The following CTNNA2 variants were observed in gnomAD, a reference collection of about 807,000 sequenced individuals.
The protein encoded by CTNNA2 is catenin alpha-2.
CTNNA2 carries 42 observed loss-of-function variants against 101.0 expected under a neutral mutation model. The observed-to-expected ratio is 0.42, with a 90% CI of 0.32 to 0.54. The LOEUF (loss-of-function observed/expected upper bound fraction) is 0.54. CTNNA2 is among the 20% of genes least tolerant of loss of function. The pLI, the probability that CTNNA2 is intolerant of heterozygous loss-of-function variation, is 0.14. For missense variants in CTNNA2, 871 were observed against 1,223.1 expected (o/e 0.71, Z 4.29); for synonymous variants, 450 against 456.4 (o/e 0.99, Z 0.18).
chr2:80,610,081 G>A (rs1698333276), intron 17 of CTNNA2, among the ~76,000 whole-genome samples: 2 of 151,762 alleles, frequency 1.3e-5, no homozygotes, highest in South Asian at 4.1e-4. Flanking sequence ...TTAGAAGAAT[G>A]TTGTTCAACT....
At chr2:80,338,048 G>A (rs925708065) in intron 7 of CTNNA2, among the ~76,000 whole-genome samples, 1 of 151,872 alleles carries the variant, frequency 6.6e-6, no homozygotes, top group Non-Finnish European at 1.5e-5. Context: ...GACTGCAGTA[G>A]CACAGTTTCA....
At chr2:79,865,887 T>C (rs1218622717) in intron 4 of CTNNA2, among the ~76,000 whole-genome samples, 1 of 152,164 alleles carries the variant, frequency 6.6e-6, no homozygotes, top group Non-Finnish European at 1.5e-5. Flanking sequence ...GCCTGGCTAA[T>C]TTTTTGTATT....
In CTNNA2 at chr2:79,716,200, T is replaced by C. The variant is rs62140148; in HGVS notation, c.103-28187T>C. On this transcript the variant is annotated intron_variant, in intron 2 of 18. Transcript: ENST00000402739. ...ACTCAGATGACAGCAAAAGGAAGAC[T>C]TTTAAAAATTTTTTTGCCAATACAC... 9.8e-3 allele frequency among the ~76,000 whole-genome samples: 1,488 copies of C among 152,274 alleles called. 17 individuals are homozygous for C. Among genetic ancestry groups the C allele is most frequent in the Middle Eastern group, 0.041 (12 of 294 alleles).
At chr2:79,984,853 T>C (rs1187164318) in intron 7 of CTNNA2, among the ~76,000 whole-genome samples, 2 of 152,126 alleles carry the variant, frequency 1.3e-5, no homozygotes, top group Admixed American at 1.3e-4. Context: ...AATCCCCTGC[T>C]TAAAAATCCT....
intron 4 of CTNNA2, among the ~76,000 whole-genome samples, chr2:79,415,158 GCTTCTTGCCATCCCTTT>G (rs1558661796): frequency 6.6e-6 from 1 of 152,072 alleles, no homozygotes; most frequent in Non-Finnish European, 1.5e-5. Context: ...CTCATGAATG[GCTTCTTGCCATCCCTTT>G]GGTTATGAGT....
intron 1 of CTNNA2, among the ~76,000 whole-genome samples, chr2:79,553,219 TC>T (rs1436026330): frequency 1.3e-5 from 2 of 152,150 alleles, no homozygotes; most frequent in Non-Finnish European, 2.9e-5. Flanking sequence ...ATATGTTCCT[TC>T]TCTCCATTGA....
chr2:80,619,037 T>A, intron 17 of CTNNA2, 48 bp from the exon 18 acceptor site: 1 of 1,211,830 alleles, frequency 8.3e-7, no homozygotes, highest in Non-Finnish European at 1.1e-6. Flanking sequence ...TTTTTTTTTC[T>A]TTTGCTCTCT....
chr2:79,979,088 G>A (rs963507700), intron 7 of CTNNA2, among the ~76,000 whole-genome samples: 3 of 152,154 alleles, frequency 2.0e-5, no homozygotes, highest in African/African-American at 4.8e-5. Flanking sequence ...GATGAAAGCA[G>A]TGTGATTTTC....
chr2:80,476,251 G>A (rs1685720678), intron 9 of CTNNA2, among the ~76,000 whole-genome samples: 1 of 152,108 alleles, frequency 6.6e-6, no homozygotes, highest in African/African-American at 2.4e-5. Context: ...GGCTCTCGGG[G>A]ACACTCTCTC....
chr2:80,391,258 A>G (rs1035442960), intron 7 of CTNNA2, among the ~76,000 whole-genome samples: 10 of 151,980 alleles, frequency 6.6e-5, no homozygotes, highest in African/African-American at 2.4e-4. Flanking sequence ...CTCTGTTCAC[A>G]CCAGTCCCAG....
intron 7 of CTNNA2, among the ~76,000 whole-genome samples, chr2:80,296,938 C>T (rs1185267014): frequency 6.6e-6 from 1 of 152,178 alleles, no homozygotes; most frequent in Non-Finnish European, 1.5e-5. Flanking sequence ...CATTTAATCA[C>T]TAAGGAAGAA....
chr2:79,271,009 G>C (rs1312035481), intron 2 of CTNNA2, among the ~76,000 whole-genome samples: 1 of 152,074 alleles, frequency 6.6e-6, no homozygotes, highest in South Asian at 2.1e-4. Context: ...GGAAAAGAAA[G>C]AGAAGCAAAA....
rs1170896257 is a variant in CTNNA2, at chr2:80,126,584, TTCCCTCCCTCCCTCCCTCCCTCCC to T, written c.1056+216817_1056+216840del. Reference sequence around the variant, plus strand: ...CCATCCATTCTGCTTTGCCCTTTCTTTCCCTCCCTCCCTCCCTCCCTCCCTCCCTCCCTCCCTCCCTCCCTCCCT... The same window carrying T: ...CCATCCATTCTGCTTTGCCCTTTCTTTCCCTCCCTCCCTCCCTCCCTCCCT... On this transcript the variant is annotated intron_variant, in intron 7 of 18. Transcript: ENST00000402739. Among the ~76,000 whole-genome samples, 18 of 34,112 alleles carry T rather than the reference TTCCCTCCCTCCCTCCCTCCCTCCC, an allele frequency of 5.3e-4. 1 individual carries two copies. The highest frequency in any genetic ancestry group is 7.2e-4 in the African/African-American group (7 of 9,676). The allele number at this position is 34,112 out of a possible 152,430, so 22.4% of individuals were successfully genotyped here.
At chr2:79,866,824 C>T (rs190879901) in intron 4 of CTNNA2, among the ~76,000 whole-genome samples, 1 of 146,424 alleles carries the variant, frequency 6.8e-6, no homozygotes, top group East Asian at 1.9e-4. Flanking sequence ...TTTTGCATTT[C>T]TTATCTCCTT....
At chr2:79,757,597 G>A (rs1036188221) in intron 3 of CTNNA2, among the ~76,000 whole-genome samples, 3 of 152,126 alleles carry the variant, frequency 2.0e-5, no homozygotes, top group Non-Finnish European at 2.9e-5. Context: ...AAATATGGTC[G>A]AAGACTCAAG....
chr2:79,487,605 C>G (rs971978971), intron 4 of CTNNA2, among the ~76,000 whole-genome samples: 3 of 152,184 alleles, frequency 2.0e-5, no homozygotes, highest in South Asian at 2.1e-4. Flanking sequence ...TCAGCTGCAG[C>G]TGAGCTCTCA....
At chr2:79,762,477 C>T (rs757553390) in intron 3 of CTNNA2, among the ~76,000 whole-genome samples, 3 of 152,040 alleles carry the variant, frequency 2.0e-5, no homozygotes, top group South Asian at 2.1e-4. Flanking sequence ...CCTAGAACAA[C>T]GAGTAGATTT....
intron 7 of CTNNA2, among the ~76,000 whole-genome samples, chr2:80,178,538 T>C (rs539142645): frequency 1.3e-5 from 2 of 152,290 alleles, no homozygotes; most frequent in East Asian, 3.9e-4. Flanking sequence ...TCAGACACCA[T>C]TGGATCTTGA....
At chr2:80,097,820 C>T (rs1239074383) in intron 7 of CTNNA2, among the ~76,000 whole-genome samples, 10 of 152,204 alleles carry the variant, frequency 6.6e-5, no homozygotes, top group African/African-American at 2.2e-4. Context: ...CTTATGCATT[C>T]GTCACGTAGT....
Sources: allele counts gnomAD v4.1 joint callset (sites outside exome capture counted in the v4.1 genomes callset), GRCh38; gene constraint gnomAD v4.1.1; transcripts MANE v1.5; gene names NCBI Gene and HGNC (gene_info 2026-07-23, HGNC 2026-07-21).